Variants in CNTNAP2 observed in about 807,000 individuals in gnomAD.
CNTNAP2 encodes the protein contactin associated protein 2.
CNTNAP2 carries 98 observed loss-of-function variants against 155.2 expected under a neutral mutation model. The observed-to-expected ratio is 0.63, with a 90% confidence interval of 0.54 to 0.75. The LOEUF (loss-of-function observed/expected upper bound fraction) is 0.75, where lower values mean the gene tolerates loss of function less well. CNTNAP2 is among the 30% of genes least tolerant of loss of function. CNTNAP2 has a pLI of 0.00. For synonymous variants in CNTNAP2, 651 were observed against 631.2 expected (o/e 1.03, Z -0.47); for missense variants, 1,727 against 1,688.1 (o/e 1.02, Z -0.40).
At chr7:146,664,967 T>A (rs1800164737) in intron 1 of CNTNAP2, among the ~76,000 whole-genome samples, 1 of 152,166 alleles carries the variant, frequency 6.6e-6, no homozygotes, top group African/African-American at 2.4e-5. Context: ...TTTTGTTTTG[T>A]TTGAGATGGA....
At chr7:147,533,267 AC>A (rs1799474785) in intron 11 of CNTNAP2, among the ~76,000 whole-genome samples, 5 of 152,308 alleles carry the variant, frequency 3.3e-5, no homozygotes, top group Admixed American at 2.0e-4. Context: ...CATGCCTAGG[AC>A]AAAATTTCTA....
At chr7:146,358,127 C>T (rs987054500) in intron 1 of CNTNAP2, among the ~76,000 whole-genome samples, 15 of 152,006 alleles carry the variant, frequency 9.9e-5, no homozygotes, top group African/African-American at 3.1e-4. Flanking sequence ...CTCCGCCTGC[C>T]GGGTTCACGC....
intron 9 of CNTNAP2, among the ~76,000 whole-genome samples, chr7:147,370,590 G>T (rs974283937): frequency 2.0e-5 from 3 of 152,158 alleles, no homozygotes; most frequent in Admixed American, 2.0e-4. Context: ...TGGAGAACTG[G>T]TTGACCAGCA....
chr7:148,298,896 A>G (rs1797330205), intron 21 of CNTNAP2, among the ~76,000 whole-genome samples: 1 of 151,470 alleles, frequency 6.6e-6, no homozygotes, highest in Admixed American at 6.6e-5. Context: ...ATGGGGTCTC[A>G]CTAAGTTGTC....
At chr7:147,639,003 C>T in intron 12 of CNTNAP2, 103 bp from the exon 13 acceptor site, 1 of 1,147,390 alleles carries the variant, frequency 8.7e-7, no homozygotes, top group Non-Finnish European at 1.3e-6. Context: ...TCTACACCAG[C>T]TCAGTAAAAA....
At chr7:146,126,196 A>G (rs1797634704) in intron 1 of CNTNAP2, among the ~76,000 whole-genome samples, 2 of 152,162 alleles carry the variant, frequency 1.3e-5, no homozygotes. Flanking sequence ...CTCTGTGTTC[A>G]AGTTCTCTAA....
chr7:148,084,869 T>C (rs946989218), intron 15 of CNTNAP2, among the ~76,000 whole-genome samples: 19 of 152,224 alleles, frequency 1.2e-4, no homozygotes, highest in Non-Finnish European at 2.2e-4. Flanking sequence ...CTGGTTCTTT[T>C]ATCAAGTGTA....
At chr7:147,572,908 C>T (rs1224928630) in intron 12 of CNTNAP2, among the ~76,000 whole-genome samples, 1 of 152,030 alleles carries the variant, frequency 6.6e-6, no homozygotes, top group African/African-American at 2.4e-5. Flanking sequence ...TTGTGGATCA[C>T]CTTTTATTTC....
intron 12 of CNTNAP2, among the ~76,000 whole-genome samples, chr7:147,629,561 A>T (rs1479287060): frequency 1.3e-5 from 2 of 152,126 alleles, no homozygotes; most frequent in Non-Finnish European, 2.9e-5. Context: ...ATTCTCCAAG[A>T]TAGACCATAT....
At chr7:147,195,437 GT>G (rs36159402) in intron 8 of CNTNAP2, among the ~76,000 whole-genome samples, 10 of 151,310 alleles carry the variant, frequency 6.6e-5, no homozygotes, top group South Asian at 4.2e-4. Context: ...ATTTAAAATA[GT>G]TTTTTTTTCT....
At chr7:147,604,125 A>T (rs1211967875) in intron 12 of CNTNAP2, among the ~76,000 whole-genome samples, 1 of 152,162 alleles carries the variant, frequency 6.6e-6, no homozygotes, top group Non-Finnish European at 1.5e-5. Flanking sequence ...AAACCCTAGA[A>T]GAAAACCTAG....
intron 7 of CNTNAP2, among the ~76,000 whole-genome samples, chr7:147,129,886 AC>A (rs1173813942): frequency 2.0e-5 from 3 of 152,150 alleles, no homozygotes; most frequent in African/African-American, 7.2e-5. Context: ...TAAAACTTGA[AC>A]TTTGGTTAAA....
intron 11 of CNTNAP2, among the ~76,000 whole-genome samples, chr7:147,543,327 A>G (rs1249033260): frequency 6.6e-6 from 1 of 152,180 alleles, no homozygotes; most frequent in Non-Finnish European, 1.5e-5. Flanking sequence ...TGGGCGGGCT[A>G]AGTGTTCCTT....
At chr7:147,578,463 T>C (rs1800439271) in intron 12 of CNTNAP2, among the ~76,000 whole-genome samples, 1 of 152,058 alleles carries the variant, frequency 6.6e-6, no homozygotes, top group Non-Finnish European at 1.5e-5. Context: ...ATGACCTTAT[T>C]CACATTGATT....
chr7:146,911,009 A>G (rs1364339215), intron 3 of CNTNAP2, among the ~76,000 whole-genome samples: 1 of 151,808 alleles, frequency 6.6e-6, no homozygotes, highest in Non-Finnish European at 1.5e-5. Context: ...ATGAACAGAC[A>G]CTTCTCAAGA....
intron 8 of CNTNAP2, among the ~76,000 whole-genome samples, chr7:147,255,268 CTGAAGTGCAGTAGTGGAAT>C (rs1804295814): frequency 6.6e-6 from 1 of 152,202 alleles, no homozygotes; most frequent in Non-Finnish European, 1.5e-5. Context: ...ATCCCCAAGG[CTGAAGTGCAGTAGTGGAAT>C]CTCAACTCAC....
At chr7:147,010,368 T>C (rs1798602616) in intron 3 of CNTNAP2, among the ~76,000 whole-genome samples, 1 of 151,962 alleles carries the variant, frequency 6.6e-6, no homozygotes, top group Non-Finnish European at 1.5e-5. Flanking sequence ...TTGAAAAAAA[T>C]GATGAATTTT....
chr7:148,085,527 AAAG>A (rs1331001794), intron 15 of CNTNAP2, among the ~76,000 whole-genome samples: 1 of 152,188 alleles, frequency 6.6e-6, no homozygotes, highest in Non-Finnish European at 1.5e-5. Context: ...ACTAATTTTA[AAAG>A]AATACCCGTG....
intron 3 of CNTNAP2, among the ~76,000 whole-genome samples, chr7:146,867,195 C>T (rs1795220945): frequency 2.6e-5 from 4 of 152,010 alleles, no homozygotes; most frequent in African/African-American, 9.7e-5. Context: ...GAGAAGAACC[C>T]AGTGTCTGTT....
Sources: allele counts gnomAD v4.1 joint callset (sites outside exome capture counted in the v4.1 genomes callset), GRCh38; gene constraint gnomAD v4.1.1; transcripts MANE v1.5; gene names NCBI Gene and HGNC (gene_info 2026-07-23, HGNC 2026-07-21).